Variants in PEAK1 observed in about 807,000 individuals in gnomAD.
PEAK1 encodes pseudopodium enriched atypical kinase 1, also known as inactive tyrosine-protein kinase PEAK1.
In PEAK1, 54 loss-of-function variants were observed where a neutral mutation model predicts 124.7. The ratio of observed to expected loss-of-function variants is 0.43; its 90% CI spans 0.35 to 0.54. PEAK1 has a LOEUF of 0.54. Ranked by LOEUF, PEAK1 falls within the 20% of genes least tolerant of loss-of-function variation. The probability of loss-of-function intolerance (pLI) is 0.01; values close to 1 mark genes in which losing one functional copy is unlikely to be tolerated. For missense variants in PEAK1, 2,046 were observed against 2,134.5 expected, an observed-to-expected ratio of 0.96 and a Z score of 0.82; for synonymous variants, 719 against 760.0, an observed-to-expected ratio of 0.95 and a Z score of 0.89.
rs2051007428 is a variant in PEAK1, at chr15:77,112,055, AAGAGCAGACTGCTGGCCTG to A, written c.*2082_*2100del. On this transcript the variant is annotated 3_prime_UTR_variant, in exon 10 of 10. Coordinates refer to ENST00000682557, the MANE Select transcript of PEAK1 (RefSeq NM_001385026.1). ...AGGCGCGGCCATGCCACAGGACACCAAGAGCAGACTGCTGGCCTGCAGCAGCATGCCCACTCCATGGCCA... is the reference window on the plus strand; with the variant it reads ...AGGCGCGGCCATGCCACAGGACACCACAGCAGCATGCCCACTCCATGGCCA... 1 of 152,272 alleles carries A rather than the reference AAGAGCAGACTGCTGGCCTG, an allele frequency of 6.6e-6. No individual in the cohort carries two copies. Among genetic ancestry groups the A allele is most frequent in the South Asian group, 2.1e-4 (1 of 4,834 alleles). The allele number at this position is 152,272 out of a possible 1,614,324, so 9.4% of individuals were successfully genotyped here. A position where few individuals can be genotyped will look rare whatever the true frequency, so the allele number is the denominator to read the frequency against.
At chr15:77,404,914 G>T in intron 1 of PEAK1, 1 of 320,924 alleles carries the variant, frequency 3.1e-6, no homozygotes, top group Non-Finnish European at 4.5e-6. Flanking sequence ...CTCAGCTCCT[G>T]TATGCCTTTC....
At chr15:77,150,600 G>A (rs1411961729) in intron 8 of PEAK1, among the ~76,000 whole-genome samples, 3 of 151,876 alleles carry the variant, frequency 2.0e-5, no homozygotes, top group African/African-American at 7.3e-5. Context: ...CCATGTTGGT[G>A]TGCTGCACCC....
At chr15:77,335,403 G>A (rs2066137237) in intron 2 of PEAK1, 14 of 985,174 alleles carry the variant, frequency 1.4e-5, no homozygotes, top group Non-Finnish European at 1.6e-5. Context: ...TTAGATGGGT[G>A]AAGATAGGAA....
At chr15:77,252,585 A>G (rs1415348795) in intron 5 of PEAK1, 59 bp from the exon 6 acceptor site, 1 of 874,940 alleles carries the variant, frequency 1.1e-6, no homozygotes, top group African/African-American at 1.8e-5. Flanking sequence ...AATATATTGG[A>G]CATCTTTTCT....
intron 9 of PEAK1, among the ~76,000 whole-genome samples, chr15:77,119,985 T>C (rs1160828330): frequency 6.6e-6 from 1 of 152,174 alleles, no homozygotes; most frequent in Non-Finnish European, 1.5e-5. Context: ...TGAGAGGACA[T>C]ACCTCTTGAT....
Position 77,133,531 on chromosome 15 carries a change from G to A in PEAK1, c.3551C>T (p.Ala1184Val). Reference sequence around the variant, plus strand: ...GGGGTCGATATCATAGGTGGGATTAGCCATGACACAAAGACTACTTTCCAT... The same window carrying A: ...GGGGTCGATATCATAGGTGGGATTAACCATGACACAAAGACTACTTTCCAT... ...KSMESSLCVM[A>V]NPTYDIDPNW... Residue 1184 changes from alanine (A) to valine (V), a missense_variant, in exon 9 of 10, where the codon GCT (alanine) becomes GTT (valine). Ala to Val is a moderately conservative substitution (Grantham distance 64). Coordinates refer to ENST00000682557, the MANE Select transcript of PEAK1 (RefSeq NM_001385026.1). This position sits in a 1 kb window ranked among gnomAD's most constrained non-coding sequence, Gnocchi z 4.2. The A allele has an allele frequency of 6.2e-7, 1 of 1,614,192 alleles. No individual in the cohort carries two copies. Among genetic ancestry groups the A allele is most frequent in the Non-Finnish European group, 8.5e-7 (1 of 1,180,028 alleles).
intron 8 of PEAK1, among the ~76,000 whole-genome samples, chr15:77,144,178 G>A (rs1253832067): frequency 2.6e-5 from 4 of 152,216 alleles, no homozygotes; most frequent in Admixed American, 2.6e-4. Context: ...GCTAGAGAAT[G>A]AAGTTCAAAC....
intron 5 of PEAK1, among the ~76,000 whole-genome samples, chr15:77,254,696 G>A (rs1478999457): frequency 6.6e-6 from 1 of 152,142 alleles, no homozygotes; most frequent in Non-Finnish European, 1.5e-5. Context: ...GCCTTTCAAA[G>A]TACTAGAATT....
intron 8 of PEAK1, among the ~76,000 whole-genome samples, chr15:77,149,582 T>C (rs538185225): frequency 6.6e-6 from 1 of 152,326 alleles, no homozygotes; most frequent in Non-Finnish European, 1.5e-5. Flanking sequence ...AAAATACTTG[T>C]TTCATTAGGA....
At chr15:77,401,493 T>C in intron 1 of PEAK1, 1 of 960,492 alleles carries the variant, frequency 1.0e-6, no homozygotes, top group Non-Finnish European at 1.2e-6. Context: ...CATAATACAA[T>C]TTTTAAGAGT....
At chr15:77,231,380 A>C (rs1249357368) in intron 6 of PEAK1, among the ~76,000 whole-genome samples, 1 of 152,208 alleles carries the variant, frequency 6.6e-6, no homozygotes, top group Non-Finnish European at 1.5e-5. Flanking sequence ...TACTCTGTCC[A>C]CTTTTCATCA....
chr15:77,366,540 T>C (rs2068252462), intron 1 of PEAK1, among the ~76,000 whole-genome samples: 1 of 151,996 alleles, frequency 6.6e-6, no homozygotes, highest in South Asian at 2.1e-4. Flanking sequence ...GGAATTTAAA[T>C]TGGTAAATTT....
chr15:77,318,323 CTG>C (rs2064999632), intron 2 of PEAK1, among the ~76,000 whole-genome samples: 1 of 152,110 alleles, frequency 6.6e-6, no homozygotes, highest in African/African-American at 2.4e-5. Context: ...CAGGAGATCT[CTG>C]TATTATATTG....
At position 77,196,471 on chromosome 15, in the gene PEAK1, T is replaced by A. The variant is rs1200743935; in HGVS notation, c.-114-14431A>T. Reference sequence around the variant, plus strand: ...CATAATTTCAAATGTATTCTAATAGTAGGAAATTCCCCAAATCTCTCTAAA... The same window carrying A: ...CATAATTTCAAATGTATTCTAATAGAAGGAAATTCCCCAAATCTCTCTAAA... On this transcript the variant is annotated intron_variant, in intron 6 of 9. Coordinates refer to ENST00000682557, the MANE Select transcript of PEAK1 (RefSeq NM_001385026.1). Among the ~76,000 whole-genome samples the A allele has an allele frequency of 5.3e-5, 8 of 152,174 alleles. No individual in the cohort carries two copies. The East Asian group carries it at 1.5e-3, about 29-fold the overall frequency.
At chr15:77,168,418 TG>T (rs1190626952) in intron 7 of PEAK1, among the ~76,000 whole-genome samples, 2 of 152,190 alleles carry the variant, frequency 1.3e-5, no homozygotes, top group Non-Finnish European at 2.9e-5. Context: ...AAAGGCCACA[TG>T]GTAAGTATTT....
intron 7 of PEAK1, among the ~76,000 whole-genome samples, chr15:77,175,358 C>CA (rs1325880624): frequency 4.6e-5 from 7 of 152,214 alleles, no homozygotes; most frequent in South Asian, 2.1e-4. Context: ...ATTCATCTGA[C>CA]AAAGGGCTAA....
chr15:77,374,408 T>A (rs908019948), intron 1 of PEAK1, among the ~76,000 whole-genome samples: 6 of 152,160 alleles, frequency 3.9e-5, no homozygotes, highest in African/African-American at 1.2e-4. Context: ...AATTTAATAA[T>A]TAAATGTTCA....
At chr15:77,255,815 T>A (rs1225920365) in intron 5 of PEAK1, among the ~76,000 whole-genome samples, 4 of 152,184 alleles carry the variant, frequency 2.6e-5, no homozygotes, top group Non-Finnish European at 5.9e-5. Flanking sequence ...CTGCTTCAGA[T>A]AGATATTAGA....
At chr15:77,363,767 A>C (rs902322441) in intron 2 of PEAK1, among the ~76,000 whole-genome samples, 24 of 152,212 alleles carry the variant, frequency 1.6e-4, no homozygotes, top group African/African-American at 5.5e-4. Context: ...TAAAAACTTT[A>C]TGTTAAATGA....
Sources: gnomAD v4.1 joint callset for allele counts (sites outside exome capture counted in the v4.1 genomes callset) on GRCh38, gnomAD v4.1.1 for gene constraint, Gnocchi (gnomAD v3.1) non-coding constraint, MANE v1.5 for transcripts, NCBI Gene and HGNC (gene_info 2026-07-23, HGNC 2026-07-21) for gene names.